Variants in ACSF2 observed in about 807,000 individuals in gnomAD.
The protein encoded by ACSF2 is acyl-CoA synthetase family member 2, also known as medium-chain acyl-CoA ligase ACSF2, mitochondrial.
Under a neutral mutation model 79.3 loss-of-function variants are expected in ACSF2, and 52 were observed. That is an observed-to-expected ratio of 0.66 (90% CI 0.53 to 0.83). The LOEUF (loss-of-function observed/expected upper bound fraction) is 0.83, where lower values mean the gene tolerates loss of function less well. Ranked by LOEUF, ACSF2 falls within the 40% of genes least tolerant of loss-of-function variation. The pLI is 0.00. For synonymous variants in ACSF2, 283 were observed against 312.6 expected, an observed-to-expected ratio of 0.91 and a Z score of 1.00; for missense variants, 661 against 803.3, an observed-to-expected ratio of 0.82 and a Z score of 2.14.
chr17:50,440,938 A>C (rs1333279136), intron 1 of ACSF2, among the ~76,000 whole-genome samples: 1 of 152,240 alleles, frequency 6.6e-6, no homozygotes, highest in Non-Finnish European at 1.5e-5. Flanking sequence ...GTGTGTGCTC[A>C]AGGACTGCCA....
chr17:50,460,931 C>A, intron 2 of ACSF2, 59 bp downstream of exon 2: 1 of 1,535,240 alleles, frequency 6.5e-7, no homozygotes. Context: ...GCTGCCCTAG[C>A]TGGGCAGAAC....
chr17:50,427,788 C>CT (rs535025639), intron 1 of ACSF2, among the ~76,000 whole-genome samples: 9 of 152,086 alleles, frequency 5.9e-5, no homozygotes, highest in African/African-American at 1.2e-4. Flanking sequence ...TGACCTTTGA[C>CT]TTTTTTTTAT....
chr17:50,474,169 AC>A lies in ACSF2; in HGVS notation c.1729-29del, dbSNP rs2052299066. Reference sequence around the variant, plus strand: ...TACCCCTGTGAGCTTGCGCAGCCTCACGCCTTACCTCCCTCCCTCTGGTCTG... The same window carrying A: ...TACCCCTGTGAGCTTGCGCAGCCTCAGCCTTACCTCCCTCCCTCTGGTCTG... On this transcript the variant is annotated intron_variant, in intron 14 of 15. Coordinates refer to ENST00000300441, the MANE Select transcript of ACSF2 (RefSeq NM_025149.6). The surrounding 1 kb of genome is among the most constrained non-coding windows in gnomAD (Gnocchi z 4.2). 1 of 1,613,784 alleles carries A rather than the reference AC, an allele frequency of 6.2e-7. No homozygotes were observed. Among genetic ancestry groups the A allele is most frequent in the African/African-American group, 1.3e-5 (1 of 75,014 alleles).
At position 50,428,502 on chromosome 17, in the gene ACSF2, AGGCC is replaced by A. The variant is rs1915217475; in HGVS notation, c.128+2114_128+2117del. Among the ~76,000 whole-genome samples the A allele has an allele frequency of 2.7e-5, 4 of 150,828 alleles. No homozygotes were observed. In the South Asian group the frequency reaches 8.4e-4, roughly 32 times the overall value. On this transcript the variant is annotated intron_variant, in intron 1 of 15. Coordinates refer to ENST00000300441, the MANE Select transcript of ACSF2 (RefSeq NM_025149.6). Reference sequence around the variant, plus strand: ...GTCAAAAATAAATAAATAAAAATAAAGGCCAAGCATGGTGGCTTATGCCTGTAAT... The same window carrying A: ...GTCAAAAATAAATAAATAAAAATAAAAAGCATGGTGGCTTATGCCTGTAAT...
chr17:50,462,098 T>G, intron 4 of ACSF2, 86 bp from the exon 5 acceptor site: 55 of 1,139,650 alleles, frequency 4.8e-5, no homozygotes, highest in Non-Finnish European at 6.7e-5. Context: ...TGCATCTGTA[T>G]GAGAGCAGCT....
At position 50,426,401 on chromosome 17, in the gene ACSF2, C is replaced by T. The variant is rs765536403; in HGVS notation, c.128+12C>T. ...GTCCGCTTCCTCAGGTACTGGCCCC[C>T]CGCGGGAAGAGAGGGGGCGGGGCAG... On this transcript the variant is annotated intron_variant, in intron 1 of 15. Transcript: ENST00000300441. The T allele has an allele frequency of 1.5e-6, 2 of 1,318,246 alleles. No homozygotes were observed. Among genetic ancestry groups the T allele is most frequent in the African/African-American group, 1.5e-5 (1 of 65,786 alleles). The allele number at this position is 1,318,246 out of a possible 1,614,324, so 81.7% of individuals were successfully genotyped here.
Position 50,435,083 on chromosome 17 carries a change from T to G in ACSF2, c.128+8694T>G, listed in dbSNP as rs1264950303. ...TGGGATTTCTCCATGTTGGTCAAGC[T>G]GGTCTCAAACTCCCGACCTCAGGTG... is the stretch of plus-strand genomic sequence containing the variant. On this transcript the variant is annotated intron_variant, in intron 1 of 15. Coordinates refer to ENST00000300441, the MANE Select transcript of ACSF2 (RefSeq NM_025149.6). Among the ~76,000 whole-genome samples the G allele has an allele frequency of 4.6e-5, 7 of 152,190 alleles. No individual in the cohort carries two copies. The East Asian group carries it at 1.4e-3, about 29-fold the overall frequency.
Position 50,437,326 on chromosome 17 carries a change from G to A in ACSF2, c.128+10937G>A, listed in dbSNP as rs79350424. On this transcript the variant is annotated intron_variant, in intron 1 of 15. Transcript: ENST00000300441. ...TATGAGTACAGCATGTGAATTTCAT[G>A]GACAAGTGAGGGCTCTTGCTTATTG... Among the ~76,000 whole-genome samples, 49 of 152,306 alleles carry A rather than the reference G, an allele frequency of 3.2e-4. 2 individuals are homozygous for A. In the East Asian group the frequency reaches 9.3e-3, roughly 29 times the overall value.
At position 50,467,837 on chromosome 17, in the gene ACSF2, A is replaced by G. The variant is rs187277168; in HGVS notation, c.1216-3191A>G. The stretch of plus-strand genomic sequence containing the variant: ...TTATATGTAAGAATCCTAGGAGGGC[A>G]GTGGTCGAGACTGGCAGCAGACAGG... On this transcript the variant is annotated intron_variant, in intron 10 of 15. Transcript: ENST00000300441. 6.0e-5 allele frequency: 33 copies of G among 547,032 alleles called. No homozygotes were observed. In the East Asian group the frequency reaches 9.9e-4, roughly 16 times the overall value. 33.9% of individuals were successfully genotyped at this position (547,032 alleles called of 1,614,324 possible).
chr17:50,442,033 G>A lies in ACSF2; in HGVS notation c.128+15644G>A, dbSNP rs371272194. Among the ~76,000 whole-genome samples, 7 of 152,076 alleles carry A rather than the reference G, an allele frequency of 4.6e-5. No homozygotes were observed. The East Asian group carries it at 1.2e-3, about 25-fold the overall frequency. On this transcript the variant is annotated intron_variant, in intron 1 of 15. Transcript: ENST00000300441. ...AAAAACATTTTTTTTGGCTGGGCACGGTGGCTCACACCTGTAATCCCAGCA... is the reference window on the plus strand; with the variant it reads ...AAAAACATTTTTTTTGGCTGGGCACAGTGGCTCACACCTGTAATCCCAGCA...
intron 1 of ACSF2, among the ~76,000 whole-genome samples, chr17:50,456,624 C>T (rs1369021634): frequency 2.0e-5 from 3 of 151,802 alleles, no homozygotes; most frequent in South Asian, 2.1e-4. Context: ...CCCAGGTACT[C>T]GGGAGGCTGA....
rs1380216578 is a variant in ACSF2, at chr17:50,474,157, T to C, written c.1729-42T>C. The C allele has an allele frequency of 2.5e-6, 4 of 1,612,218 alleles. No individual in the cohort carries two copies. In the Admixed American group the frequency reaches 5.0e-5, roughly 20 times the overall value. The stretch of plus-strand genomic sequence containing the variant: ...GTCCCCTACCCATACCCCTGTGAGC[T>C]TGCGCAGCCTCACGCCTTACCTCCC... On this transcript the variant is annotated intron_variant, in intron 14 of 15. Transcript: ENST00000300441. This position sits in a 1 kb window ranked among gnomAD's most constrained non-coding sequence, Gnocchi z 4.2.
chr17:50,443,950 C>T (rs958061829), intron 1 of ACSF2, among the ~76,000 whole-genome samples: 1 of 152,160 alleles, frequency 6.6e-6, no homozygotes, highest in Admixed American at 6.5e-5. Context: ...CATGAACCTA[C>T]TTGGGTTACA....
Position 50,474,307 on chromosome 17 carries a change from T to A in ACSF2, c.1797+40T>A. ...GGAGGCTGGGGAGGGCAGCCTGGGC[T>A]CTGGGGCCCCATAGGGCCCCACCTC... On this transcript the variant is annotated intron_variant, in intron 15 of 15. Transcript: ENST00000300441. The surrounding 1 kb of genome is among the most constrained non-coding windows in gnomAD (Gnocchi z 4.2). 1 of 1,611,560 alleles carries A rather than the reference T, an allele frequency of 6.2e-7. No individual in the cohort carries two copies. The highest frequency in any genetic ancestry group is 8.5e-7 in the Non-Finnish European group (1 of 1,177,782).
At chr17:50,435,545 G>A (rs551991802) in intron 1 of ACSF2, among the ~76,000 whole-genome samples, 46 of 151,716 alleles carry the variant, frequency 3.0e-4, no homozygotes, top group Non-Finnish European at 5.7e-4. Flanking sequence ...CAAGTACGTA[G>A]GACTATGGGT....
chr17:50,461,014 G>A (rs1374459956), intron 2 of ACSF2, 142 bp downstream of exon 2: 49 of 1,178,620 alleles, frequency 4.2e-5, no homozygotes, highest in Non-Finnish European at 5.2e-5. Context: ...GGCAGGAGAA[G>A]GAGACAGGAC....
intron 10 of ACSF2, chr17:50,465,151 G>A: frequency 1.1e-6 from 1 of 919,786 alleles, no homozygotes; most frequent in Non-Finnish European, 1.6e-6. Flanking sequence ...CCTTCAACAG[G>A]GGACCCAGTC....
Position 50,474,289 on chromosome 17 carries a change from G to A in ACSF2, c.1797+22G>A. The A allele has an allele frequency of 1.2e-6, 2 of 1,613,938 alleles. No individual in the cohort carries two copies. The highest frequency in any genetic ancestry group is 1.7e-6 in the Non-Finnish European group (2 of 1,179,796). On this transcript the variant is annotated intron_variant, in intron 15 of 15. Transcript: ENST00000300441. The surrounding 1 kb of genome is among the most constrained non-coding windows in gnomAD (Gnocchi z 4.2). ...AAAGGTGTGTAAGGTGGAGGAGGCT[G>A]GGGAGGGCAGCCTGGGCTCTGGGGC...
intron 10 of ACSF2, among the ~76,000 whole-genome samples, chr17:50,469,654 A>G (rs1195103950): frequency 6.6e-6 from 1 of 152,118 alleles, no homozygotes; most frequent in Admixed American, 6.5e-5. Context: ...GCACAGTCGC[A>G]CCATCCCCCC....
Sources: allele counts gnomAD v4.1 joint callset (sites outside exome capture counted in the v4.1 genomes callset), GRCh38; gene constraint gnomAD v4.1.1; non-coding constraint Gnocchi (gnomAD v3.1); transcripts MANE v1.5; gene names NCBI Gene and HGNC (gene_info 2026-07-23, HGNC 2026-07-21).